CMTM7: variants seen among roughly 807,000 people sequenced by gnomAD.
CMTM7 encodes the protein CKLF-like MARVEL transmembrane domain-containing protein 7.
CMTM7 carries 7 observed loss-of-function variants against 19.3 expected under a neutral mutation model. The observed-to-expected ratio is 0.36, with a 90% CI of 0.21 to 0.68. The LOEUF (loss-of-function observed/expected upper bound fraction) is 0.68. CMTM7 is among the 30% of genes least tolerant of loss of function. The pLI is 0.60. For synonymous variants in CMTM7, 87 were observed against 99.3 expected (o/e 0.88, Z 0.74); for missense variants, 193 against 232.6 (o/e 0.83, Z 1.11).
intron 1 of CMTM7, among the ~76,000 whole-genome samples, chr3:32,441,226 G>A (rs1243430732): frequency 1.3e-5 from 2 of 152,176 alleles, no homozygotes; most frequent in Admixed American, 6.5e-5. Flanking sequence ...TTACAAGCCA[G>A]ATAGCCTTGG....
chr3:32,438,229 A>G (rs1018037002), intron 1 of CMTM7, among the ~76,000 whole-genome samples: 1 of 152,176 alleles, frequency 6.6e-6, no homozygotes, highest in African/African-American at 2.4e-5. Flanking sequence ...TAAACACCCC[A>G]GCGCCTTTTC....
intron 1 of CMTM7, among the ~76,000 whole-genome samples, chr3:32,404,978 G>T (rs1384133773): frequency 6.6e-6 from 1 of 152,202 alleles, no homozygotes; most frequent in Non-Finnish European, 1.5e-5. Flanking sequence ...GAAGTGAACT[G>T]CCTTGTTGAG....
At chr3:32,398,706 C>T (rs1382074665) in intron 1 of CMTM7, among the ~76,000 whole-genome samples, 3 of 151,536 alleles carry the variant, frequency 2.0e-5, no homozygotes, top group East Asian at 1.9e-4. Flanking sequence ...GAGCGTTGGC[C>T]GGCGCAGTGG....
intron 1 of CMTM7, among the ~76,000 whole-genome samples, chr3:32,424,031 A>G (rs1308120346): frequency 1.3e-5 from 2 of 152,232 alleles, no homozygotes; most frequent in Non-Finnish European, 2.9e-5. Context: ...GTGTAAAACA[A>G]CCACTTATTC....
chr3:32,413,110 A>G lies in CMTM7; in HGVS notation c.159+21045A>G, dbSNP rs542138437. Among the ~76,000 whole-genome samples, 138 of 152,350 alleles carry G rather than the reference A, an allele frequency of 9.1e-4. 1 individual carries two copies. In the Middle Eastern group the frequency reaches 0.02, roughly 23 times the overall value. ...GGAACACAGCCAAACCCATTCATTCATGTATTACATATGGTCACTTTCACA... is the reference window on the plus strand; with the variant it reads ...GGAACACAGCCAAACCCATTCATTCGTGTATTACATATGGTCACTTTCACA... On this transcript the variant is annotated intron_variant, in intron 1 of 4. Transcript: ENST00000334983.
At chr3:32,417,932 C>T (rs1377785785) in intron 1 of CMTM7, among the ~76,000 whole-genome samples, 1 of 152,198 alleles carries the variant, frequency 6.6e-6, no homozygotes, top group Non-Finnish European at 1.5e-5. Flanking sequence ...AGCAATCCTC[C>T]CATCTCAGCC....
At chr3:32,418,672 A>ATTACT (rs1374423982) in intron 1 of CMTM7, among the ~76,000 whole-genome samples, 3 of 152,152 alleles carry the variant, frequency 2.0e-5, no homozygotes, top group Admixed American at 2.0e-4. Flanking sequence ...TCTCCACTGA[A>ATTACT]TTACTTTACA....
chr3:32,418,057 A>G (rs1447821892), intron 1 of CMTM7, among the ~76,000 whole-genome samples: 1 of 152,176 alleles, frequency 6.6e-6, no homozygotes. Flanking sequence ...CCTGGGCTTA[A>G]GAGCTCCACC....
chr3:32,404,204 A>G (rs1418298871), intron 1 of CMTM7, among the ~76,000 whole-genome samples: 1 of 123,932 alleles, frequency 8.1e-6, no homozygotes, highest in Non-Finnish European at 1.6e-5. Flanking sequence ...TCTGTTGCCT[A>G]GACTGGAGTG....
intron 1 of CMTM7, among the ~76,000 whole-genome samples, chr3:32,438,863 G>A (rs1177684557): frequency 6.6e-6 from 1 of 152,218 alleles, no homozygotes; most frequent in Non-Finnish European, 1.5e-5. Context: ...CCATGAAAAA[G>A]AGCTAACTTT....
chr3:32,442,903 A>G (rs538889428), intron 2 of CMTM7, among the ~76,000 whole-genome samples: 1 of 152,302 alleles, frequency 6.6e-6, no homozygotes, highest in South Asian at 2.1e-4. Context: ...AAGAAATTCC[A>G]TACCTTTTAG....
intron 1 of CMTM7, among the ~76,000 whole-genome samples, chr3:32,437,760 G>T (rs164035): frequency 0.74 from 112,641 of 151,868 alleles, 41,959 homozygotes; most frequent in Non-Finnish European, 0.76. Context: ...GCATGGTGGC[G>T]CATACATGTA....
intron 2 of CMTM7, among the ~76,000 whole-genome samples, chr3:32,447,886 G>C (rs1464324697): frequency 6.6e-6 from 1 of 152,116 alleles, no homozygotes; most frequent in Non-Finnish European, 1.5e-5. Context: ...TCTGCATCTT[G>C]ATTAGATTGT....
At chr3:32,405,218 G>A (rs1393574746) in intron 1 of CMTM7, among the ~76,000 whole-genome samples, 4 of 152,232 alleles carry the variant, frequency 2.6e-5, no homozygotes, top group Non-Finnish European at 4.4e-5. Flanking sequence ...CTCCTGCTCC[G>A]TGGAAACTGT....
At chr3:32,408,136 T>C (rs1442811784) in intron 1 of CMTM7, among the ~76,000 whole-genome samples, 1 of 152,054 alleles carries the variant, frequency 6.6e-6, no homozygotes. Flanking sequence ...GTCAAGGAAG[T>C]CTCTCCCAGA....
chr3:32,451,180 C>T (rs886420292), intron 3 of CMTM7: 1 of 152,240 alleles, frequency 6.6e-6, no homozygotes, highest in African/African-American at 2.4e-5. Flanking sequence ...GGAAAAGAAA[C>T]CCGGGGAAGA....
chr3:32,401,158 T>A (rs913114728), intron 1 of CMTM7, among the ~76,000 whole-genome samples: 1 of 152,236 alleles, frequency 6.6e-6, no homozygotes, highest in Non-Finnish European at 1.5e-5. Context: ...CAAAAATGCT[T>A]TTAAATGCTC....
At chr3:32,435,210 T>C (rs1696579454) in intron 1 of CMTM7, among the ~76,000 whole-genome samples, 4 of 152,294 alleles carry the variant, frequency 2.6e-5, no homozygotes, top group Admixed American at 2.6e-4. Flanking sequence ...GAGACCATCC[T>C]GGCCAACACG....
At chr3:32,400,678 A>C (rs894503637) in intron 1 of CMTM7, among the ~76,000 whole-genome samples, 1 of 152,136 alleles carries the variant, frequency 6.6e-6, no homozygotes, top group Non-Finnish European at 1.5e-5. Context: ...GGTGTGACCC[A>C]CCATGCCTGG....
Sources: gnomAD v4.1 joint callset for allele counts (sites outside exome capture counted in the v4.1 genomes callset) on GRCh38, gnomAD v4.1.1 for gene constraint, MANE v1.5 for transcripts, NCBI Gene and HGNC (gene_info 2026-07-23, HGNC 2026-07-21) for gene names.